The following KGD4 variants were observed in gnomAD, a reference collection of about 807,000 sequenced individuals.
The protein encoded by KGD4 is alpha-ketoglutarate dehydrogenase component 4.
the KGD4 span, among the ~76,000 whole-genome samples, chr5:69,219,568 G>T: frequency 6.6e-6 from 1 of 152,126 alleles, no homozygotes; most frequent in Non-Finnish European, 1.5e-5. Context: ...CAGCTGATGT[G>T]TGCAAACAAA....
chr5:69,219,329 G>A, the KGD4 span, among the ~76,000 whole-genome samples: 1 of 152,098 alleles, frequency 6.6e-6, no homozygotes, highest in Non-Finnish European at 1.5e-5. Flanking sequence ...GTACGTAAAT[G>A]TTCACAGAAA....
chr5:69,223,236 G>A, the KGD4 span, among the ~76,000 whole-genome samples: 3 of 151,476 alleles, frequency 2.0e-5, no homozygotes, highest in Admixed American at 1.3e-4. Flanking sequence ...GTGCCACCAC[G>A]CCTGGCTACT....
the KGD4 span, chr5:69,229,822 G>T: frequency 6.6e-6 from 1 of 152,016 alleles, no homozygotes; most frequent in Non-Finnish European, 1.5e-5. Flanking sequence ...TCATACAAAA[G>T]ATTCCAAAGA....
At chr5:69,228,212 T>G in the KGD4 span, 2 of 1,560,156 alleles carry the variant, frequency 1.3e-6, no homozygotes, top group Non-Finnish European at 1.7e-6. Context: ...TCAGAAGCTT[T>G]GAGATCAGCA....
At chr5:69,227,868 C>T in the KGD4 span, among the ~76,000 whole-genome samples, 1 of 152,208 alleles carries the variant, frequency 6.6e-6, no homozygotes, top group Non-Finnish European at 1.5e-5. Flanking sequence ...TGACTACTCA[C>T]AGGCTGAGGT....
chr5:69,219,676 G>C, the KGD4 span, among the ~76,000 whole-genome samples: 1 of 151,978 alleles, frequency 6.6e-6, no homozygotes, highest in South Asian at 2.1e-4. Context: ...AATCAGGTTC[G>C]TGATTGCGCT....
chr5:69,228,987 C>T, the KGD4 span, among the ~76,000 whole-genome samples: 4 of 120,230 alleles, frequency 3.3e-5, no homozygotes, highest in Admixed American at 4.6e-4. Context: ...TGCACTCTAG[C>T]TTGGGCAAGA....
chr5:69,224,909 C>T, the KGD4 span, among the ~76,000 whole-genome samples: 4,648 of 151,588 alleles, frequency 0.031, 100 homozygotes, highest in Middle Eastern at 0.082. Flanking sequence ...CCCGTCTCTA[C>T]TAAAAGTGAA....
At chr5:69,222,222 A>G in the KGD4 span, among the ~76,000 whole-genome samples, 2 of 152,054 alleles carry the variant, frequency 1.3e-5, no homozygotes, top group African/African-American at 2.4e-5. Flanking sequence ...CTCTGAAAAC[A>G]TAAGGAGAGT....
the KGD4 span, among the ~76,000 whole-genome samples, chr5:69,220,424 G>C: frequency 7.9e-5 from 12 of 152,190 alleles, no homozygotes; most frequent in South Asian, 2.3e-3. Context: ...GGAAAGCCAA[G>C]GTGGGAAGAT....
At chr5:69,218,633 G>A in the KGD4 span, among the ~76,000 whole-genome samples, 2 of 152,070 alleles carry the variant, frequency 1.3e-5, no homozygotes, top group East Asian at 3.8e-4. Context: ...TCTAACTTAG[G>A]TAAAATTATT....
the KGD4 span, among the ~76,000 whole-genome samples, chr5:69,227,494 TA>T: frequency 1.3e-5 from 2 of 152,142 alleles, no homozygotes; most frequent in African/African-American, 4.8e-5. Flanking sequence ...CGCCCTTTTT[TA>T]AAAAAACCAG....
At chr5:69,221,589 C>A in the KGD4 span, among the ~76,000 whole-genome samples, 1 of 152,152 alleles carries the variant, frequency 6.6e-6, no homozygotes, top group African/African-American at 2.4e-5. Context: ...AGACACAGAC[C>A]TCACGTTCTT....
chr5:69,218,292 C>G, the KGD4 span, among the ~76,000 whole-genome samples: 6 of 152,170 alleles, frequency 3.9e-5, no homozygotes, highest in East Asian at 1.2e-3. Context: ...AGGAAGCGAA[C>G]CCTGGATCTG....
the KGD4 span, chr5:69,229,254 A>C: frequency 6.2e-7 from 1 of 1,601,470 alleles, no homozygotes; most frequent in South Asian, 1.1e-5. Context: ...GTCATCAGAC[A>C]ATAGAATTGT....
the KGD4 span, among the ~76,000 whole-genome samples, chr5:69,224,196 G>A: frequency 6.6e-6 from 1 of 152,062 alleles, no homozygotes; most frequent in East Asian, 1.9e-4. Flanking sequence ...TTCAAGACCA[G>A]CCTGGGTAAA....
chr5:69,225,787 G>A, the KGD4 span, among the ~76,000 whole-genome samples: 1 of 152,086 alleles, frequency 6.6e-6, no homozygotes, highest in Non-Finnish European at 1.5e-5. Flanking sequence ...CACCATGTTG[G>A]CCAGGCTGGT....
the KGD4 span, chr5:69,229,230 G>C: frequency 1.9e-6 from 3 of 1,608,600 alleles, no homozygotes; most frequent in Non-Finnish European, 2.5e-6. Flanking sequence ...GAATAACCAT[G>C]GTGGCTGCTG....
the KGD4 span, among the ~76,000 whole-genome samples, chr5:69,224,602 A>C: frequency 6.6e-6 from 1 of 152,078 alleles, no homozygotes; most frequent in Non-Finnish European, 1.5e-5. Flanking sequence ...CACTCAAAAC[A>C]AGTCAGGAGG....
Sources: gnomAD v4.1 joint callset for allele counts (sites outside exome capture counted in the v4.1 genomes callset) on GRCh38, gnomAD v4.1.1 for gene constraint, MANE v1.5 for transcripts, NCBI Gene and HGNC (gene_info 2026-07-23, HGNC 2026-07-21) for gene names.